DNAJC6: variants seen among roughly 807,000 people sequenced by gnomAD.
The protein encoded by DNAJC6 is DnaJ heat shock protein family (Hsp40) member C6.
Under a neutral mutation model 110.0 loss-of-function variants are expected in DNAJC6, and 34 were observed. The observed-to-expected ratio is 0.31, with a 90% CI of 0.24 to 0.41. The LOEUF (loss-of-function observed/expected upper bound fraction) is 0.41. Among genes scored for constraint, DNAJC6 ranks in the 10% least tolerant of loss-of-function variants. DNAJC6 has a pLI of 1.00. For missense variants in DNAJC6, 1,031 were observed against 1,207.8 expected, an observed-to-expected ratio of 0.85 and a Z score of 2.17; for synonymous variants, 406 against 437.2, an observed-to-expected ratio of 0.93 and a Z score of 0.89.
chr1:65,272,487 T>G (rs1183634360), intron 1 of DNAJC6, among the ~76,000 whole-genome samples: 2 of 152,262 alleles, frequency 1.3e-5, no homozygotes, highest in Non-Finnish European at 1.5e-5. Context: ...ACCTGTGATT[T>G]CCTTTTGTTG....
chr1:65,411,251 T>C lies in DNAJC6; in HGVS notation c.2636T>C (p.Ile879Thr). 6.2e-7 allele frequency: 1 copy of C among 1,612,302 alleles called. No homozygotes were observed. The highest frequency in any genetic ancestry group is 8.5e-7 in the Non-Finnish European group (1 of 1,178,652). Reference sequence around the variant, plus strand: ...TCTTAATCCCCTTTGTGTTTACAGATTCTGGAATGGATTGAAGGCAAAGAA... The same window carrying C: ...TCTTAATCCCCTTTGTGTTTACAGACTCTGGAATGGATTGAAGGCAAAGAA... ...AKEMDPEKLK[I>T]LEWIEGKERN... is the part of the protein sequence containing the mutation. Residue 879 changes from isoleucine (I) to threonine (T), a missense_variant and splice_region_variant, in exon 18 of 19, where the codon ATT becomes ACT. Ile to Thr is a moderately conservative substitution (Grantham distance 89). Coordinates refer to ENST00000371069, the MANE Select transcript of DNAJC6 (RefSeq NM_001256864.2).
intron 1 of DNAJC6, chr1:65,279,854 A>T (rs1255896205): frequency 4.6e-5 from 7 of 152,032 alleles, no homozygotes; most frequent in Non-Finnish European, 1.0e-4. Flanking sequence ...TAATTATTAG[A>T]TGAAATTTGG....
intron 1 of DNAJC6, among the ~76,000 whole-genome samples, chr1:65,358,409 A>C (rs112008218): frequency 7.2e-5 from 11 of 152,248 alleles, no homozygotes; most frequent in African/African-American, 2.6e-4. Context: ...AATCACTGAT[A>C]TGTCTTTGCT....
rs113108966 is a variant in DNAJC6, at chr1:65,335,317, C to A, written c.193+25379C>A. ...TTTTTAGTAAGACGGGGTTTCACCA[C>A]GTTAGCCATGATGGTCTTGATCTCC... On this transcript the variant is annotated intron_variant, in intron 1 of 18. Coordinates refer to ENST00000371069, the MANE Select transcript of DNAJC6 (RefSeq NM_001256864.2). Among the ~76,000 whole-genome samples the A allele has an allele frequency of 1.1e-3, 172 of 150,722 alleles. 2 individuals are homozygous for A. The highest frequency in any genetic ancestry group is 4.0e-3 in the African/African-American group (165 of 41,002).
At chr1:65,302,305 A>G (rs1372186219) in intron 1 of DNAJC6, among the ~76,000 whole-genome samples, 4 of 131,808 alleles carry the variant, frequency 3.0e-5, no homozygotes, top group Non-Finnish European at 4.8e-5. Flanking sequence ...TATATAATAT[A>G]TATGTTACAG....
intron 8 of DNAJC6, among the ~76,000 whole-genome samples, chr1:65,387,956 G>A (rs1019044722): frequency 3.3e-5 from 5 of 152,168 alleles, no homozygotes; most frequent in Admixed American, 6.5e-5. Flanking sequence ...TATAATGGGA[G>A]CAGTTTGTTT....
rs12068158 is a variant in DNAJC6, at chr1:65,367,725, T to G, written c.543+1529T>G. On this transcript the variant is annotated intron_variant, in intron 4 of 18. Transcript: ENST00000371069. ...TTTGTATAATGTTTATAAAAGGCAATCTCTATAAAGATGTTTTTAATGAAA... is the reference window on the plus strand; with the variant it reads ...TTTGTATAATGTTTATAAAAGGCAAGCTCTATAAAGATGTTTTTAATGAAA... Among the ~76,000 whole-genome samples the G allele has an allele frequency of 5.2e-3, 789 of 152,286 alleles. 5 individuals are homozygous for G. Among genetic ancestry groups the G allele is most frequent in the African/African-American group, 0.018 (761 of 41,558 alleles).
In DNAJC6 at chr1:65,389,276, A is replaced by G; in HGVS notation, c.1214A>G (p.Asp405Gly). ...KFTKPELDAC[D>G]VPEKYPQLFQ... The stretch of plus-strand genomic sequence containing the variant: ...TTTAGGCCTGAGTTAGATGCATGTG[A>G]TGTACCAGAAAAATATCCTCAGCTA... Residue 405 changes from aspartate (D) to glycine (G), a missense_variant, in exon 10 of 19, where the codon GAT becomes GGT. Physicochemically the swap from Asp to Gly is moderately conservative, Grantham distance 94. Coordinates refer to ENST00000371069, the MANE Select transcript of DNAJC6 (RefSeq NM_001256864.2). 6.2e-7 allele frequency: 1 copy of G among 1,614,034 alleles called. No individual in the cohort carries two copies. The highest frequency in any genetic ancestry group is 8.5e-7 in the Non-Finnish European group (1 of 1,179,982).
At chr1:65,403,834 T>A (rs1646051467) in intron 15 of DNAJC6, among the ~76,000 whole-genome samples, 1 of 152,202 alleles carries the variant, frequency 6.6e-6, no homozygotes, top group Non-Finnish European at 1.5e-5. Context: ...GCAATGTTGA[T>A]GAGCCCCATG....
At chr1:65,310,021 T>G in intron 1 of DNAJC6, 83 bp downstream of exon 1, 2 of 1,366,136 alleles carry the variant, frequency 1.5e-6, no homozygotes, top group Non-Finnish European at 9.4e-7. Context: ...GGCCCCCCCG[T>G]GGTCCCCCAG....
intron 1 of DNAJC6, among the ~76,000 whole-genome samples, chr1:65,314,205 TTAA>T (rs1645127998): frequency 6.6e-6 from 1 of 151,342 alleles, no homozygotes; most frequent in Non-Finnish European, 1.5e-5. Flanking sequence ...ATTGTATATA[TTAA>T]AAAAAAAGAA....
chr1:65,403,069 C>T (rs1646044461), intron 15 of DNAJC6, among the ~76,000 whole-genome samples: 1 of 152,106 alleles, frequency 6.6e-6, no homozygotes, highest in African/African-American at 2.4e-5. Context: ...CTTAATAAAA[C>T]TTACATTATA....
In DNAJC6 at chr1:65,405,966, T is replaced by C; in HGVS notation, c.2324T>C (p.Met775Thr). 6.2e-7 allele frequency: 1 copy of C among 1,614,210 alleles called. No homozygotes were observed. Residue 775 changes from methionine to threonine, a missense_variant, in exon 16 of 19, where the codon ATG (methionine) becomes ACG (threonine). Coordinates refer to ENST00000371069, the MANE Select transcript of DNAJC6 (RefSeq NM_001256864.2). ...CCACAGAAGGCGTCTCCCCAGCCTA[T>C]GGGTGGCGGGTGGCAGCAGGGAGGT... Reference protein sequence around the residue: ...SSPQKASPQPMGGGWQQGGAY... With the variant: ...SSPQKASPQPTGGGWQQGGAY...
chr1:65,400,579 A>G (rs1193391346), intron 14 of DNAJC6, among the ~76,000 whole-genome samples: 3 of 152,176 alleles, frequency 2.0e-5, no homozygotes, highest in African/African-American at 4.8e-5. Context: ...GAGAACATGC[A>G]GTATTTGTCT....
At chr1:65,366,017 CT>C in intron 3 of DNAJC6, 30 bp from the exon 4 acceptor site, 2 of 1,613,308 alleles carry the variant, frequency 1.2e-6, no homozygotes, top group Non-Finnish European at 1.7e-6. Flanking sequence ...AACATTTAAC[CT>C]GTTTTCTTTC....
chr1:65,365,789 G>A, intron 2 of DNAJC6, 96 bp from the exon 3 acceptor site: 5 of 1,342,494 alleles, frequency 3.7e-6, no homozygotes, highest in Non-Finnish European at 5.2e-6. Context: ...CCCCTGGACA[G>A]CGGTGTCCCA....
intron 18 of DNAJC6, 43 bp downstream of exon 18, chr1:65,411,469 C>A: frequency 6.4e-7 from 1 of 1,562,402 alleles, no homozygotes; most frequent in Non-Finnish European, 8.7e-7. Context: ...CAGGTCCTTG[C>A]TTCATTATCT....
chr1:65,288,127 T>C (rs1477020335), intron 1 of DNAJC6, among the ~76,000 whole-genome samples: 1 of 152,172 alleles, frequency 6.6e-6, no homozygotes, highest in Non-Finnish European at 1.5e-5. Flanking sequence ...ACTGCCCATC[T>C]GCATTGTCTG....
intron 1 of DNAJC6, among the ~76,000 whole-genome samples, chr1:65,353,661 A>G (rs1645513128): frequency 6.6e-6 from 1 of 152,136 alleles, no homozygotes; most frequent in Non-Finnish European, 1.5e-5. Flanking sequence ...ACTCTTATCA[A>G]TCTTTTTTCA....
Sources: gnomAD v4.1 joint callset for allele counts (sites outside exome capture counted in the v4.1 genomes callset) on GRCh38, gnomAD v4.1.1 for gene constraint, MANE v1.5 for transcripts, NCBI Gene and HGNC (gene_info 2026-07-23, HGNC 2026-07-21) for gene names.